Variants in CFAP61 observed in about 807,000 individuals in gnomAD.
CFAP61 encodes the protein cilia- and flagella-associated protein 61.
Under a neutral mutation model 135.6 loss-of-function variants are expected in CFAP61, and 107 were observed. The ratio of observed to expected loss-of-function variants is 0.79; its 90% CI spans 0.67 to 0.93. The LOEUF is 0.93. Among genes scored for constraint, CFAP61 ranks in the 40% least tolerant of loss-of-function variants. The probability of loss-of-function intolerance (pLI) is 0.00; values close to 1 mark genes in which losing one functional copy is unlikely to be tolerated. For missense variants in CFAP61, 1,507 were observed against 1,556.2 expected, an observed-to-expected ratio of 0.97 and a Z score of 0.53; for synonymous variants, 575 against 578.5, an observed-to-expected ratio of 0.99 and a Z score of 0.09.
chr20:20,230,676 C>T (rs1356589695), intron 18 of CFAP61, among the ~76,000 whole-genome samples: 1 of 152,192 alleles, frequency 6.6e-6, no homozygotes, highest in Non-Finnish European at 1.5e-5. Context: ...TTGCCTCAGC[C>T]TCCCAAGTAG....
intron 8 of CFAP61, among the ~76,000 whole-genome samples, chr20:20,139,483 A>G (rs1309912198): frequency 1.3e-5 from 2 of 152,240 alleles, no homozygotes; most frequent in Non-Finnish European, 2.9e-5. Flanking sequence ...ATAAAATAAC[A>G]ATTAAATCGC....
intron 9 of CFAP61, among the ~76,000 whole-genome samples, chr20:20,153,276 A>G (rs1195369946): frequency 6.6e-6 from 1 of 152,216 alleles, no homozygotes; most frequent in East Asian, 1.9e-4. Flanking sequence ...AGTCTGAAAG[A>G]GCACAGATAG....
intron 24 of CFAP61, among the ~76,000 whole-genome samples, chr20:20,297,063 G>C (rs1026797913): frequency 6.6e-6 from 1 of 151,962 alleles, no homozygotes; most frequent in Non-Finnish European, 1.5e-5. Context: ...ACACGCACCT[G>C]GGGGTGGCCC....
chr20:20,144,844 A>T (rs1421442475), intron 9 of CFAP61, among the ~76,000 whole-genome samples: 1 of 152,132 alleles, frequency 6.6e-6, no homozygotes, highest in African/African-American at 2.4e-5. Flanking sequence ...TCTTATTGGA[A>T]ATAATACAAG....
At chr20:20,306,766 C>T (rs1247708361) in intron 25 of CFAP61, among the ~76,000 whole-genome samples, 1 of 152,126 alleles carries the variant, frequency 6.6e-6, no homozygotes, top group Non-Finnish European at 1.5e-5. Context: ...GGCATTCTCC[C>T]TGGCTATACA....
intron 13 of CFAP61, among the ~76,000 whole-genome samples, chr20:20,171,243 G>A (rs551473074): frequency 1.3e-5 from 2 of 152,314 alleles, no homozygotes; most frequent in South Asian, 2.1e-4. Flanking sequence ...AAACACAACT[G>A]CCTTGAGCCA....
chr20:20,265,630 T>A (rs2052664208), intron 21 of CFAP61: 2 of 674,928 alleles, frequency 3.0e-6, no homozygotes, highest in East Asian at 5.1e-5. Flanking sequence ...TGTAGGTGAT[T>A]TTCTCCAGGT....
chr20:20,284,776 T>TA (rs2054459849), intron 22 of CFAP61, among the ~76,000 whole-genome samples: 2 of 152,246 alleles, frequency 1.3e-5, no homozygotes, highest in Non-Finnish European at 2.9e-5. Context: ...TCCTATATCT[T>TA]ACATCTACAA....
intron 17 of CFAP61, among the ~76,000 whole-genome samples, chr20:20,216,068 G>A (rs1298547460): frequency 6.6e-6 from 1 of 152,142 alleles, no homozygotes; most frequent in Admixed American, 6.5e-5. Context: ...CAAAGGTGAC[G>A]ATTTTATAGC....
chr20:20,287,776 G>A lies in CFAP61; in HGVS notation c.2797-833G>A, dbSNP rs113236811. Among the ~76,000 whole-genome samples the A allele has an allele frequency of 4.1e-3, 630 of 152,276 alleles. 10 individuals carry two copies. Among genetic ancestry groups the A allele is most frequent in the East Asian group, 0.04 (205 of 5,180 alleles). On this transcript the variant is annotated intron_variant, in intron 22 of 26. Transcript: ENST00000245957. Reference sequence around the variant, plus strand: ...TAGGGAAAGATAAAATCAATTGAGCGTGTTTCAATTGGTCCAACAACTAAA... The same window carrying A: ...TAGGGAAAGATAAAATCAATTGAGCATGTTTCAATTGGTCCAACAACTAAA...
chr20:20,319,581 T>A (rs1297377562), intron 25 of CFAP61, among the ~76,000 whole-genome samples: 1 of 152,252 alleles, frequency 6.6e-6, no homozygotes, highest in Admixed American at 6.5e-5. Flanking sequence ...CATGCCTGCT[T>A]CCCTTCAACC....
chr20:20,118,294 TTTCTTTCTTTC>T (rs1327478468), intron 8 of CFAP61, among the ~76,000 whole-genome samples: 1 of 120,842 alleles, frequency 8.3e-6, no homozygotes, highest in East Asian at 2.1e-4. Flanking sequence ...TCTTTCTTTC[TTTCTTTCTTTC>T]TTTTCTTTCT....
At chr20:20,196,371 T>G (rs1478017606) in intron 15 of CFAP61, among the ~76,000 whole-genome samples, 199 bp from the exon 16 acceptor site, 2 of 152,074 alleles carry the variant, frequency 1.3e-5, no homozygotes, top group African/African-American at 4.8e-5. Context: ...CCAAAGACAA[T>G]CCATCAGAAC....
At chr20:20,092,488 T>A (rs1443728431) in intron 7 of CFAP61, among the ~76,000 whole-genome samples, 1 of 152,238 alleles carries the variant, frequency 6.6e-6, no homozygotes, top group Non-Finnish European at 1.5e-5. Context: ...GTTCTCTTAC[T>A]TGGATGACAT....
intron 17 of CFAP61, among the ~76,000 whole-genome samples, chr20:20,217,565 A>G (rs574956318): frequency 1.8e-4 from 28 of 152,358 alleles, no homozygotes; most frequent in African/African-American, 6.7e-4. Context: ...CAGAAAAATG[A>G]GTTTTCTGCC....
At chr20:20,219,849 C>G (rs994782689) in intron 17 of CFAP61, among the ~76,000 whole-genome samples, 23 of 152,290 alleles carry the variant, frequency 1.5e-4, no homozygotes, top group African/African-American at 5.1e-4. Context: ...AGCTCCTGGT[C>G]AGAGCTCCTG....
At chr20:20,299,570 A>G (rs1304139172) in intron 25 of CFAP61, among the ~76,000 whole-genome samples, 1 of 152,270 alleles carries the variant, frequency 6.6e-6, no homozygotes, top group Non-Finnish European at 1.5e-5. Flanking sequence ...TCCTTGTTTT[A>G]AAGATGTGTA....
chr20:20,261,326 T>C (rs1279722867), intron 20 of CFAP61, among the ~76,000 whole-genome samples: 3 of 152,218 alleles, frequency 2.0e-5, no homozygotes, highest in Non-Finnish European at 4.4e-5. Context: ...CAGCCAGCAT[T>C]TGCCTGCTTG....
chr20:20,201,424 C>T (rs923722608), intron 17 of CFAP61, among the ~76,000 whole-genome samples: 1 of 152,184 alleles, frequency 6.6e-6, no homozygotes, highest in African/African-American at 2.4e-5. Flanking sequence ...AAGCAAACTC[C>T]AGATTCATAT....
Sources: gnomAD v4.1 joint callset for allele counts (sites outside exome capture counted in the v4.1 genomes callset) on GRCh38, gnomAD v4.1.1 for gene constraint, MANE v1.5 for transcripts, NCBI Gene and HGNC (gene_info 2026-07-23, HGNC 2026-07-21) for gene names.